The following SH3KBP1 variants were observed in gnomAD, a reference collection of about 807,000 sequenced individuals.
SH3KBP1 encodes SH3 domain containing kinase binding protein 1.
A neutral mutation model predicts 50.1 loss-of-function variants in SH3KBP1; 8 were observed. The observed-to-expected ratio is 0.16, with a 90% CI of 0.09 to 0.29. The LOEUF is 0.29. Ranked by LOEUF, SH3KBP1 falls within the 10% of genes least tolerant of loss-of-function variation. The pLI is 1.00. For missense variants in SH3KBP1, 377 were observed against 535.2 expected (o/e 0.70, Z 2.92); for synonymous variants, 227 against 218.6 (o/e 1.04, Z -0.34).
chrX:19,776,560 T>TTTTTTTTTTTA (rs1491405168), intron 2 of SH3KBP1, among the ~76,000 whole-genome samples: 1 of 64,363 alleles, frequency 1.6e-5, no homozygotes, highest in African/African-American at 6.0e-5. Context: ...TTTTTTTTTT[T>TTTTTTTTTTTA]AGAGAGAGAC....
At chrX:19,576,610 A>T (rs1177125021) in intron 12 of SH3KBP1, among the ~76,000 whole-genome samples, 1 of 111,176 alleles carries the variant, frequency 9.0e-6, no homozygotes, top group Non-Finnish European at 1.9e-5. Flanking sequence ...TGGCTAATTT[A>T]AAAAAAATTT....
At chrX:19,558,629 A>G (rs2065564682) in intron 13 of SH3KBP1, among the ~76,000 whole-genome samples, 1 of 111,727 alleles carries the variant, frequency 9.0e-6, no homozygotes, top group Non-Finnish European at 1.9e-5. Flanking sequence ...TCCATTTTCA[A>G]GTCTGTTGTT....
At chrX:19,629,355 T>C (rs1444265979) in intron 8 of SH3KBP1, among the ~76,000 whole-genome samples, 1 of 110,016 alleles carries the variant, frequency 9.1e-6, no homozygotes, top group East Asian at 2.9e-4. Context: ...TTACTAAAGA[T>C]TTTGATTGGT....
intron 6 of SH3KBP1, among the ~76,000 whole-genome samples, chrX:19,659,554 C>T (rs751280052): frequency 1.8e-5 from 2 of 111,937 alleles, no homozygotes; most frequent in African/African-American, 3.3e-5. Flanking sequence ...AGGCATGAGC[C>T]GCTGCACCCA....
At chrX:19,588,383 C>A in intron 12 of SH3KBP1, 1 of 1,097,553 alleles carries the variant, frequency 9.1e-7, no homozygotes, top group South Asian at 2.5e-5. Flanking sequence ...TGTGTGTGAG[C>A]AGGGCCTAAA....
chrX:19,572,237 AT>A lies in SH3KBP1; in HGVS notation c.1299-3050del, dbSNP rs747352228. 5.6e-5 allele frequency among the ~76,000 whole-genome samples: 6 copies of A among 106,926 alleles called. No homozygotes were observed. In the South Asian group the frequency reaches 2.3e-3, roughly 40 times the overall value. 92.9% of individuals were successfully genotyped at this position (106,926 alleles called of 115,157 possible). Reference sequence around the variant, plus strand: ...TACATATGTTATATATAGTACATATATATGTTATATAGAGTACATATATGTT... The same window carrying A: ...TACATATGTTATATATAGTACATATAATGTTATATAGAGTACATATATGTT... On this transcript the variant is annotated intron_variant, in intron 12 of 17. Transcript: ENST00000397821.
intron 12 of SH3KBP1, among the ~76,000 whole-genome samples, chrX:19,581,953 T>C (rs1404531264): frequency 9.1e-6 from 1 of 109,774 alleles, no homozygotes; most frequent in East Asian, 2.9e-4. Context: ...TCACAAGAAG[T>C]CCACATGGTA....
intron 13 of SH3KBP1, among the ~76,000 whole-genome samples, chrX:19,563,715 G>A (rs926496856): frequency 4.5e-5 from 5 of 112,212 alleles, no homozygotes; most frequent in East Asian, 5.6e-4. Context: ...ACCGCAGCCC[G>A]TCATATGCAG....
rs186182107 is a variant in SH3KBP1, at chrX:19,867,130, C to T, written c.4+20177G>A. Reference sequence around the variant, plus strand: ...GACACTGTGCCAGGCATAGTGATACCGGCATAGACAAGAAGACCTGAGAAG... The same window carrying T: ...GACACTGTGCCAGGCATAGTGATACTGGCATAGACAAGAAGACCTGAGAAG... On this transcript the variant is annotated intron_variant, in intron 1 of 17. Transcript: ENST00000397821. 1.6e-3 allele frequency among the ~76,000 whole-genome samples: 177 copies of T among 111,681 alleles called. 1 individual carries two copies. The highest frequency in any genetic ancestry group is 5.2e-3 in the African/African-American group (160 of 30,746).
In SH3KBP1 at chrX:19,692,624, CGTGTGTGTGTGTGTGTGT is replaced by C. The variant is rs534431997; in HGVS notation, c.520+2970_520+2987del. ...ATATACATATACACATATATACATA[CGTGTGTGTGTGTGTGTGT>C]GTGTGTGTGTGTGTGTGTGTGTGTG... On this transcript the variant is annotated intron_variant, in intron 5 of 17. Coordinates refer to ENST00000397821, the MANE Select transcript of SH3KBP1 (RefSeq NM_031892.3). Among the ~76,000 whole-genome samples the C allele has an allele frequency of 2.2e-3, 148 of 68,684 alleles. 1 individual carries two copies. The highest frequency in any genetic ancestry group is 8.4e-3 in the African/African-American group (140 of 16,679). 59.6% of individuals were successfully genotyped at this position (68,684 alleles called of 115,157 possible).
At chrX:19,664,327 C>A (rs1293008156) in intron 6 of SH3KBP1, among the ~76,000 whole-genome samples, 1 of 111,345 alleles carries the variant, frequency 9.0e-6, no homozygotes, top group African/African-American at 3.3e-5. Flanking sequence ...AATTTCATGC[C>A]AAGATGATCA....
intron 3 of SH3KBP1, among the ~76,000 whole-genome samples, chrX:19,727,402 G>A (rs753046838): frequency 8.9e-6 from 1 of 112,289 alleles, no homozygotes; most frequent in Non-Finnish European, 1.9e-5. Context: ...TCACATAAGT[G>A]GAATCATATA....
At chrX:19,653,813 C>G (rs768596211) in intron 6 of SH3KBP1, among the ~76,000 whole-genome samples, 1 of 94,917 alleles carries the variant, frequency 1.1e-5, no homozygotes, top group South Asian at 5.1e-4. Flanking sequence ...CACACACACA[C>G]AGCTTCTTAA....
chrX:19,635,366 C>T lies in SH3KBP1; in HGVS notation c.803-3408G>A, dbSNP rs1040129383. 3.2e-4 allele frequency among the ~76,000 whole-genome samples: 33 copies of T among 103,549 alleles called. 1 individual carries two copies. Among genetic ancestry groups the T allele is most frequent in the East Asian group, 1.6e-3 (5 of 3,185 alleles). 89.9% of individuals were successfully genotyped at this position (103,549 alleles called of 115,157 possible). On this transcript the variant is annotated intron_variant, in intron 7 of 17. Transcript: ENST00000397821. Reference sequence around the variant, plus strand: ...TTCTCACTCATAAGTGGGAGTTGAACATTGAGAATACATGGACACAGAGAG... The same window carrying T: ...TTCTCACTCATAAGTGGGAGTTGAATATTGAGAATACATGGACACAGAGAG...
chrX:19,562,832 G>A (rs1302335351), intron 13 of SH3KBP1, among the ~76,000 whole-genome samples: 2 of 111,758 alleles, frequency 1.8e-5, no homozygotes, highest in Admixed American at 9.5e-5. Flanking sequence ...CCTCTCTCAG[G>A]TCAGCTATTT....
intron 3 of SH3KBP1, among the ~76,000 whole-genome samples, chrX:19,738,942 C>T (rs189493706): frequency 0.023 from 2,197 of 94,645 alleles, 80 homozygotes; most frequent in African/African-American, 0.084. Context: ...ACCCGGGAGG[C>T]GAAAGTTGCA....
chrX:19,872,363 T>G (rs1183779608), intron 1 of SH3KBP1, among the ~76,000 whole-genome samples: 2 of 109,612 alleles, frequency 1.8e-5, no homozygotes, highest in Non-Finnish European at 3.8e-5. Flanking sequence ...CCTTTCACTG[T>G]GTATCCTCTA....
intron 12 of SH3KBP1, among the ~76,000 whole-genome samples, chrX:19,578,957 T>C (rs772987406): frequency 2.7e-5 from 3 of 111,275 alleles, no homozygotes; most frequent in Non-Finnish European, 5.7e-5. Context: ...CCCCACATAC[T>C]CACCTGGTAG....
At chrX:19,774,140 A>C (rs2065887156) in intron 2 of SH3KBP1, among the ~76,000 whole-genome samples, 2 of 106,592 alleles carry the variant, frequency 1.9e-5, no homozygotes, top group Admixed American at 2.0e-4. Flanking sequence ...TGGCTCAAAA[A>C]CTCTCCCAGC....
Sources: gnomAD v4.1 joint callset for allele counts (sites outside exome capture counted in the v4.1 genomes callset) on GRCh38, gnomAD v4.1.1 for gene constraint, MANE v1.5 for transcripts, NCBI Gene and HGNC (gene_info 2026-07-23, HGNC 2026-07-21) for gene names.